TUSC3: variants seen among roughly 807,000 people sequenced by gnomAD.
TUSC3 encodes the protein dolichyl-diphosphooligosaccharide--protein glycosyltransferase subunit TUSC3.
A neutral mutation model predicts 44.8 loss-of-function variants in TUSC3; 45 were observed. That is an observed-to-expected ratio of 1.00 (90% CI 0.79 to 1.29). The LOEUF (loss-of-function observed/expected upper bound fraction) is 1.29, where lower values mean the gene tolerates loss of function less well. Among genes scored for constraint, TUSC3 ranks in the 50% most tolerant of loss-of-function variants. The probability of loss-of-function intolerance (pLI) is 0.00; values close to 1 mark genes in which losing one functional copy is unlikely to be tolerated. For synonymous variants in TUSC3, 212 were observed against 152.9 expected, an observed-to-expected ratio of 1.39 and a Z score of -2.85; for missense variants, 519 against 437.9, an observed-to-expected ratio of 1.19 and a Z score of -1.65.
intron 1 of TUSC3, among the ~76,000 whole-genome samples, chr8:15,611,791 A>T (rs530675036): frequency 1.4e-4 from 22 of 152,284 alleles, no homozygotes; most frequent in Non-Finnish European, 2.9e-4. Context: ...TTTGGTTCCT[A>T]GAAGCATTAA....
chr8:15,445,484 C>T (rs969307480), intron 1 of TUSC3, among the ~76,000 whole-genome samples: 6 of 152,224 alleles, frequency 3.9e-5, no homozygotes, highest in South Asian at 2.1e-4. Context: ...GTGTTTGTGT[C>T]CCTGGGTACT....
the TUSC3 span, among the ~76,000 whole-genome samples, chr8:15,802,709 G>A: frequency 6.6e-6 from 1 of 150,778 alleles, no homozygotes; most frequent in Non-Finnish European, 1.5e-5. Flanking sequence ...TGGTCATATA[G>A]TCCATCTGTG....
At chr8:15,775,312 A>G in the TUSC3 span, among the ~76,000 whole-genome samples, 1 of 152,072 alleles carries the variant, frequency 6.6e-6, no homozygotes, top group Non-Finnish European at 1.5e-5. Flanking sequence ...GAGGGGTAGG[A>G]TGGGGAGTGA....
At chr8:15,462,974 G>A (rs541883619) in intron 1 of TUSC3, among the ~76,000 whole-genome samples, 4 of 151,906 alleles carry the variant, frequency 2.6e-5, no homozygotes, top group Admixed American at 6.6e-5. Flanking sequence ...ATGTATTTGG[G>A]CAATGGCTTC....
At chr8:15,814,704 G>T in the TUSC3 span, among the ~76,000 whole-genome samples, 21 of 152,004 alleles carry the variant, frequency 1.4e-4, no homozygotes, top group East Asian at 4.1e-3. Flanking sequence ...TTTCTTTTGC[G>T]CAAATGAAAA....
At chr8:15,447,246 C>G (rs565990129) in intron 1 of TUSC3, among the ~76,000 whole-genome samples, 2 of 152,182 alleles carry the variant, frequency 1.3e-5, no homozygotes, top group Non-Finnish European at 2.9e-5. Flanking sequence ...AAAGCAACCT[C>G]AAAATCCAGA....
intron 6 of TUSC3, among the ~76,000 whole-genome samples, chr8:15,676,330 T>C (rs1808187418): frequency 1.3e-5 from 2 of 152,188 alleles, no homozygotes; most frequent in South Asian, 4.1e-4. Flanking sequence ...TTATTTATTT[T>C]CTGATTGTTG....
At chr8:15,467,601 G>A (rs1285360154) in intron 1 of TUSC3, among the ~76,000 whole-genome samples, 1 of 152,050 alleles carries the variant, frequency 6.6e-6, no homozygotes, top group Non-Finnish European at 1.5e-5. Context: ...TTTCTCATTT[G>A]CGCCTTGGGA....
intron 1 of TUSC3, among the ~76,000 whole-genome samples, chr8:15,611,652 T>C (rs1485002090): frequency 6.6e-6 from 1 of 152,178 alleles, no homozygotes; most frequent in Non-Finnish European, 1.5e-5. Flanking sequence ...CTGATAAAAA[T>C]GGTGTATTTG....
At chr8:15,423,978 T>TTGTG (rs1563247189) in intron 1 of TUSC3, among the ~76,000 whole-genome samples, 1 of 106,778 alleles carries the variant, frequency 9.4e-6, no homozygotes, top group Non-Finnish European at 2.0e-5. Context: ...TGTTTTTTTT[T>TTGTG]TTTTTTTTTT....
intron 1 of TUSC3, among the ~76,000 whole-genome samples, chr8:15,480,856 T>A (rs914940658): frequency 3.3e-5 from 5 of 152,210 alleles, no homozygotes; most frequent in Non-Finnish European, 7.3e-5. Context: ...GACTTCAATA[T>A]ACGAATTTTG....
intron 10 of TUSC3, among the ~76,000 whole-genome samples, chr8:15,759,915 G>A (rs1330981570): frequency 1.3e-5 from 2 of 152,058 alleles, no homozygotes; most frequent in Non-Finnish European, 2.9e-5. Flanking sequence ...TGGAAATCTT[G>A]AAGTCATTTT....
the TUSC3 span, among the ~76,000 whole-genome samples, chr8:15,780,708 A>G: frequency 6.6e-6 from 1 of 152,092 alleles, no homozygotes; most frequent in Non-Finnish European, 1.5e-5. Flanking sequence ...TCACCCCAGC[A>G]ATAACTTCAG....
chr8:15,824,629 G>A, the TUSC3 span, among the ~76,000 whole-genome samples: 2 of 152,018 alleles, frequency 1.3e-5, no homozygotes, highest in African/African-American at 2.4e-5. Context: ...GAAGGGGGAC[G>A]GATAGCATTA....
At chr8:15,478,415 G>T (rs1002509135) in intron 1 of TUSC3, among the ~76,000 whole-genome samples, 1 of 152,004 alleles carries the variant, frequency 6.6e-6, no homozygotes, top group Admixed American at 6.6e-5. Flanking sequence ...TATTTATCCT[G>T]GTGCTCTCTC....
intron 6 of TUSC3, among the ~76,000 whole-genome samples, chr8:15,702,137 C>G (rs1809433363): frequency 6.6e-6 from 1 of 152,092 alleles, no homozygotes; most frequent in South Asian, 2.1e-4. Flanking sequence ...TTTTCTTGGC[C>G]TGATGGGGCT....
chr8:15,634,432 CTG>C (rs1163519668), intron 2 of TUSC3, among the ~76,000 whole-genome samples: 2 of 152,200 alleles, frequency 1.3e-5, no homozygotes. Flanking sequence ...CTAAGAAAGA[CTG>C]AGCTATGGCC....
intron 1 of TUSC3, among the ~76,000 whole-genome samples, chr8:15,453,017 G>C (rs1029820334): frequency 1.3e-5 from 2 of 152,004 alleles, no homozygotes; most frequent in African/African-American, 4.8e-5. Flanking sequence ...GAGGACTCTA[G>C]TACCCTGAGG....
rs557993717 is a variant in TUSC3, at chr8:15,678,197, G to T, written c.798+4361G>T. Among the ~76,000 whole-genome samples, 6 of 152,282 alleles carry T rather than the reference G, an allele frequency of 3.9e-5. No individual in the cohort carries two copies. The South Asian group carries it at 1.2e-3, about 32-fold the overall frequency. On this transcript the variant is annotated intron_variant, in intron 6 of 10. Coordinates refer to ENST00000503731, the MANE Select transcript of TUSC3 (RefSeq NM_006765.4). ...ATACGCCAGATCTCATCAGCCATTT[G>T]CTGAGTGCTGTTCTCTTGGCAAAGT...
Sources: gnomAD v4.1 joint callset for allele counts (sites outside exome capture counted in the v4.1 genomes callset) on GRCh38, gnomAD v4.1.1 for gene constraint, MANE v1.5 for transcripts, NCBI Gene and HGNC (gene_info 2026-07-23, HGNC 2026-07-21) for gene names.